CFAP47: variants seen among roughly 807,000 people sequenced by gnomAD.
CFAP47 encodes the protein cilia- and flagella-associated protein 47.
A neutral mutation model predicts 148.1 loss-of-function variants in CFAP47; 29 were observed. The ratio of observed to expected loss-of-function variants is 0.20; its 90% CI spans 0.15 to 0.27. The LOEUF (loss-of-function observed/expected upper bound fraction) is 0.27. CFAP47 is among the 10% of genes least tolerant of loss of function. The pLI is 1.00. For synonymous variants in CFAP47, 664 were observed against 577.3 expected (o/e 1.15, Z -2.15); for missense variants, 1,872 against 1,697.5 (o/e 1.10, Z -1.81).
At chrX:36,170,763 G>A (rs577397613) in intron 39 of CFAP47, among the ~76,000 whole-genome samples, 1,485 of 107,805 alleles carry the variant, frequency 0.014, 40 homozygotes, top group African/African-American at 0.047. Flanking sequence ...ACATACGTGT[G>A]CATGTGTCTT....
rs1038204384 is a variant in CFAP47, at chrX:36,118,766, G to A, written c.5320+14075G>A. 8.1e-5 allele frequency among the ~76,000 whole-genome samples: 9 copies of A among 111,745 alleles called. No homozygotes were observed. In the East Asian group the frequency reaches 8.4e-4, roughly 10 times the overall value. On this transcript the variant is annotated intron_variant, in intron 33 of 63. Coordinates refer to ENST00000378653, the MANE Select transcript of CFAP47 (RefSeq NM_001304548.2). ...TGGGATTACAGGTGTGAGCCACCGC[G>A]CCCATGCTAGAAACATTTTACATCT...
rs749444752 is a variant in CFAP47, at chrX:36,117,211, A to G, written c.5320+12520A>G. Reference sequence around the variant, plus strand: ...GCTGTTGCGAACAGAGCTAAAACACACATGGGAGTGCGGATATCTCTTTGA... The same window carrying G: ...GCTGTTGCGAACAGAGCTAAAACACGCATGGGAGTGCGGATATCTCTTTGA... On this transcript the variant is annotated intron_variant, in intron 33 of 63. Coordinates refer to ENST00000378653, the MANE Select transcript of CFAP47 (RefSeq NM_001304548.2). Among the ~76,000 whole-genome samples the G allele has an allele frequency of 5.3e-5, 6 of 112,208 alleles. No homozygotes were observed. In the East Asian group the frequency reaches 1.7e-3, roughly 31 times the overall value.
intron 19 of CFAP47, among the ~76,000 whole-genome samples, chrX:35,998,191 G>T (rs1201557878): frequency 4.5e-5 from 5 of 111,028 alleles, no homozygotes; most frequent in Non-Finnish European, 7.6e-5. Context: ...CCTCACTGTG[G>T]TATTGATTTT....
chrX:36,072,563 T>C (rs1239417913), intron 28 of CFAP47, among the ~76,000 whole-genome samples: 2 of 112,245 alleles, frequency 1.8e-5, no homozygotes, highest in Non-Finnish European at 3.8e-5. Flanking sequence ...TTCTTTTTAT[T>C]GAATGGACCA....
intron 45 of CFAP47, among the ~76,000 whole-genome samples, chrX:36,205,407 C>T (rs1437147579): frequency 9.0e-6 from 1 of 111,487 alleles, no homozygotes; most frequent in East Asian, 2.8e-4. Context: ...ATAATAAGTG[C>T]ACTTTGAGGA....
At chrX:35,942,171 A>G (rs1269347155) in intron 3 of CFAP47, among the ~76,000 whole-genome samples, 1 of 110,995 alleles carries the variant, frequency 9.0e-6, no homozygotes, top group Non-Finnish European at 1.9e-5. Context: ...ATTTCTCCCA[A>G]TCTAAAATGA....
chrX:35,987,228 TC>T (rs1569225556), intron 15 of CFAP47, among the ~76,000 whole-genome samples: 1 of 111,534 alleles, frequency 9.0e-6, no homozygotes, highest in Non-Finnish European at 1.9e-5. Flanking sequence ...CCCCAGGTGC[TC>T]TGTCCCAGGG....
intron 30 of CFAP47, among the ~76,000 whole-genome samples, chrX:36,087,176 A>G (rs1938103443): frequency 1.8e-5 from 2 of 112,402 alleles, no homozygotes; most frequent in South Asian, 7.3e-4. Context: ...CAATTTGAGG[A>G]ACCCTTCTAT....
At chrX:36,105,590 A>G (rs761275784) in intron 33 of CFAP47, among the ~76,000 whole-genome samples, 2 of 111,980 alleles carry the variant, frequency 1.8e-5, no homozygotes, top group East Asian at 2.8e-4. Flanking sequence ...ATATATTGAC[A>G]TGTTGGTATT....
chrX:36,070,479 G>C (rs1257812092), intron 27 of CFAP47, among the ~76,000 whole-genome samples: 2 of 105,446 alleles, frequency 1.9e-5, no homozygotes, highest in Non-Finnish European at 3.9e-5. Context: ...GGCAAAATTA[G>C]CTTTCTTTTT....
intron 63 of CFAP47, 47 bp downstream of exon 63, chrX:36,379,565 G>C (rs1942058698): frequency 1.0e-6 from 1 of 963,766 alleles, no homozygotes; most frequent in East Asian, 3.4e-5. Context: ...TGCAACTAAA[G>C]ACACTAAATA....
At chrX:36,352,891 T>G (rs1240481286) in intron 59 of CFAP47, among the ~76,000 whole-genome samples, 1 of 110,052 alleles carries the variant, frequency 9.1e-6, no homozygotes, top group Non-Finnish European at 1.9e-5. Flanking sequence ...TAATCACATT[T>G]AACTTGAATT....
At chrX:36,298,411 G>T (rs1941264476) in intron 51 of CFAP47, among the ~76,000 whole-genome samples, 1 of 79,453 alleles carries the variant, frequency 1.3e-5, no homozygotes, top group Admixed American at 1.6e-4. Context: ...GACTGTTGTG[G>T]GGTGGGGGGA....
chrX:36,242,761 A>G (rs1168945134), intron 48 of CFAP47, among the ~76,000 whole-genome samples: 2 of 112,190 alleles, frequency 1.8e-5, no homozygotes, highest in Admixed American at 1.9e-4. Flanking sequence ...ATATTTGAGG[A>G]TATAGTCCAT....
Position 35,991,825 on chromosome X carries a change from G to A in CFAP47, c.2849G>A (p.Gly950Asp), listed in dbSNP as rs1483538708. 1 of 295,322 alleles carries A rather than the reference G, an allele frequency of 3.4e-6. No homozygotes were observed. Among genetic ancestry groups the A allele is most frequent in the Non-Finnish European group, 5.9e-6 (1 of 168,982 alleles). The allele number at this position is 295,322 out of a possible 1,213,427, so 24.3% of individuals were successfully genotyped here. The change falls in exon 17 of 64, where the codon GGT becomes GAT. Residue 950 changes from glycine (G) to aspartate (D), a missense_variant. Transcript: ENST00000378653. ...ALKLKCVAHL[G>D]RTKVLLLQPR... Reference sequence around the variant, plus strand: ...CTTTCCTCCTCTCGTTATTAGCTTGGTCGCACCAAGGTTTTACTTTTGCAG... The same window carrying A: ...CTTTCCTCCTCTCGTTATTAGCTTGATCGCACCAAGGTTTTACTTTTGCAG...
At chrX:36,345,541 A>T (rs1474036675) in intron 57 of CFAP47, among the ~76,000 whole-genome samples, 2 of 111,658 alleles carry the variant, frequency 1.8e-5, no homozygotes, top group South Asian at 3.7e-4. Context: ...TGTGCAACCC[A>T]GTTCCTAACA....
chrX:36,319,325 T>G lies in CFAP47; in HGVS notation c.8443+18T>G, dbSNP rs1941460482. 1.3e-6 allele frequency: 1 copy of G among 776,499 alleles called. No homozygotes were observed. Among genetic ancestry groups the G allele is most frequent in the Non-Finnish European group, 1.8e-6 (1 of 550,654 alleles). The allele number at this position is 776,499 out of a possible 1,213,427, so 64.0% of individuals were successfully genotyped here. A position where few individuals can be genotyped will look rare whatever the true frequency, so the allele number is the denominator to read the frequency against. The stretch of plus-strand genomic sequence containing the variant: ...AATACAAGGTACAGGATTTCTACCT[T>G]ACATTCTATCATTCTGTTTGTTGTT... On this transcript the variant is annotated intron_variant, in intron 57 of 63. Transcript: ENST00000378653.
intron 1 of CFAP47, among the ~76,000 whole-genome samples, chrX:35,922,194 G>A (rs1935589154): frequency 9.0e-6 from 1 of 110,853 alleles, no homozygotes; most frequent in Admixed American, 9.6e-5. Context: ...CCTGTCATCT[G>A]CAAAAATCAT....
chrX:36,153,835 G>T (rs1202060530), intron 37 of CFAP47, among the ~76,000 whole-genome samples: 1 of 111,751 alleles, frequency 8.9e-6, no homozygotes, highest in Non-Finnish European at 1.9e-5. Context: ...CTGGAATGTG[G>T]ACAGTAGAGC....
Sources: allele counts gnomAD v4.1 joint callset (sites outside exome capture counted in the v4.1 genomes callset), GRCh38; gene constraint gnomAD v4.1.1; transcripts MANE v1.5; gene names NCBI Gene and HGNC (gene_info 2026-07-23, HGNC 2026-07-21).